SETBP1: variants seen among roughly 807,000 people sequenced by gnomAD.
The protein encoded by SETBP1 is SET-binding protein.
Under a neutral mutation model 101.0 loss-of-function variants are expected in SETBP1, and 9 were observed. The ratio of observed to expected loss-of-function variants is 0.09; its 90% CI spans 0.05 to 0.16. The LOEUF (loss-of-function observed/expected upper bound fraction) is 0.16. Ranked by LOEUF, SETBP1 falls within the 10% of genes least tolerant of loss-of-function variation. The pLI, the probability that SETBP1 is intolerant of heterozygous loss-of-function variation, is 1.00. For synonymous variants in SETBP1, 818 were observed against 788.5 expected (o/e 1.04, Z -0.63); for missense variants, 1,858 against 2,033.8 (o/e 0.91, Z 1.66).
At chr18:44,803,360 G>A (rs1334909284) in intron 2 of SETBP1, among the ~76,000 whole-genome samples, 3 of 152,138 alleles carry the variant, frequency 2.0e-5, no homozygotes, top group Non-Finnish European at 4.4e-5. Context: ...TGCAGCAGCT[G>A]CCCTAATGGA....
intron 2 of SETBP1, among the ~76,000 whole-genome samples, chr18:44,709,380 C>T (rs1328055682): frequency 6.6e-6 from 1 of 152,212 alleles, no homozygotes; most frequent in Non-Finnish European, 1.5e-5. Context: ...AGAGCCTCCA[C>T]TCTGGAAGTG....
intron 3 of SETBP1, among the ~76,000 whole-genome samples, chr18:44,896,997 C>A (rs1028230063): frequency 5.9e-5 from 9 of 152,252 alleles, no homozygotes; most frequent in African/African-American, 2.2e-4. Context: ...GAAATGTTTA[C>A]CCAGCTGTCG....
At chr18:44,810,378 A>C (rs2071835553) in intron 2 of SETBP1, among the ~76,000 whole-genome samples, 1 of 152,252 alleles carries the variant, frequency 6.6e-6, no homozygotes. Flanking sequence ...TTTAAGGAAC[A>C]CAATGAAAAG....
chr18:44,707,444 C>T (rs1234228452), intron 2 of SETBP1, among the ~76,000 whole-genome samples: 2 of 152,054 alleles, frequency 1.3e-5, no homozygotes, highest in Non-Finnish European at 2.9e-5. Flanking sequence ...TTAATTTTTC[C>T]TCCTCTCCAG....
At chr18:44,725,926 G>T (rs1234561014) in intron 2 of SETBP1, among the ~76,000 whole-genome samples, 1 of 152,092 alleles carries the variant, frequency 6.6e-6, no homozygotes, top group African/African-American at 2.4e-5. Flanking sequence ...AAGGGTGTAG[G>T]GTGGTAATAG....
intron 3 of SETBP1, among the ~76,000 whole-genome samples, chr18:44,944,964 T>C (rs754990433): frequency 1.8e-4 from 28 of 152,214 alleles, no homozygotes; most frequent in Non-Finnish European, 3.7e-4. Context: ...AAAAAGTGCT[T>C]TTTAAAAAGA....
chr18:44,879,199 A>C (rs1007203857), intron 3 of SETBP1, among the ~76,000 whole-genome samples: 2 of 152,170 alleles, frequency 1.3e-5, no homozygotes, highest in Admixed American at 1.3e-4. Flanking sequence ...AATCTCTCCC[A>C]CTTTGCTGTA....
intron 5 of SETBP1, among the ~76,000 whole-genome samples, chr18:45,046,971 G>T (rs2073625438): frequency 6.6e-6 from 1 of 152,178 alleles, no homozygotes; most frequent in Non-Finnish European, 1.5e-5. Context: ...GAGATTTTAG[G>T]AAATACAGAG....
At position 44,896,692 on chromosome 18, in the gene SETBP1, G is replaced by A. The variant is rs569658350; in HGVS notation, c.540+27409G>A. ...TTTAGTAGAGATGGGGTTTCACCAC[G>A]TTGGTCAGGATGATCTCGGCCTCCC... On this transcript the variant is annotated intron_variant, in intron 3 of 5. Transcript: ENST00000649279. Among the ~76,000 whole-genome samples the A allele has an allele frequency of 2.6e-5, 4 of 152,150 alleles. No homozygotes were observed. In the South Asian group the frequency reaches 6.2e-4, roughly 24 times the overall value.
At chr18:44,936,742 A>G (rs920239067) in intron 3 of SETBP1, among the ~76,000 whole-genome samples, 4 of 152,154 alleles carry the variant, frequency 2.6e-5, no homozygotes, top group African/African-American at 9.7e-5. Context: ...ACACGCAGAT[A>G]GACTCCATCT....
intron 4 of SETBP1, among the ~76,000 whole-genome samples, chr18:45,019,831 A>C (rs942583048): frequency 6.6e-6 from 1 of 152,118 alleles, no homozygotes; most frequent in East Asian, 1.9e-4. Context: ...TGCATAAAAA[A>C]CACCTCTCAT....
intron 3 of SETBP1, among the ~76,000 whole-genome samples, chr18:44,901,963 A>G (rs2070056905): frequency 6.6e-6 from 1 of 152,170 alleles, no homozygotes; most frequent in South Asian, 2.1e-4. Context: ...TTATTTTAGA[A>G]TCTAGTTATT....
chr18:44,701,599 G>T lies in SETBP1; in HGVS notation c.253G>T (p.Gly85Cys). ...CAGTGAGAAATGGGTGGCAGGAGAT[G>T]GTTTGGAAGAGCAGGAATTTTCTAT... ...ADSEKWVAGD[G>C]LEEQEFSIKE... Residue 85 changes from glycine to cysteine, a missense_variant, in exon 2 of 6, where the codon GGT becomes TGT. Around this residue, in one of 12 missense-constraint regions of SETBP1, gnomAD observed 28 missense variants for 59.2 expected, o/e 0.47. Transcript: ENST00000649279. 6 of 1,614,180 alleles carry T rather than the reference G, an allele frequency of 3.7e-6. No homozygotes were observed. Among genetic ancestry groups the T allele is most frequent in the Non-Finnish European group, 5.1e-6 (6 of 1,180,032 alleles).
chr18:45,067,784 G>A lies in SETBP1; in HGVS notation c.*4086G>A, dbSNP rs1568063257. ...TCCCTGTTGGACTCAGTCATTTGGGGAACAGTCTTAGAAGCACATATCAAC... is the reference window on the plus strand; with the variant it reads ...TCCCTGTTGGACTCAGTCATTTGGGAAACAGTCTTAGAAGCACATATCAAC... On this transcript the variant is annotated 3_prime_UTR_variant, in exon 6 of 6. Coordinates refer to ENST00000649279, the MANE Select transcript of SETBP1 (RefSeq NM_015559.3). 1 of 152,078 alleles carries A rather than the reference G, an allele frequency of 6.6e-6. No homozygotes were observed. Among genetic ancestry groups the A allele is most frequent in the Non-Finnish European group, 1.5e-5 (1 of 68,024 alleles). The allele number at this position is 152,078 out of a possible 1,614,324, so 9.4% of individuals were successfully genotyped here. A position where few individuals can be genotyped will look rare whatever the true frequency, so the allele number is the denominator to read the frequency against.
At chr18:44,701,941 TG>T in intron 2 of SETBP1, 109 bp downstream of exon 2, 1 of 1,312,678 alleles carries the variant, frequency 7.6e-7, no homozygotes, top group South Asian at 1.3e-5. Context: ...TAGAACAACG[TG>T]GGGTTGGGGA....
At chr18:44,732,804 C>T (rs1180868418) in intron 2 of SETBP1, 1 of 152,148 alleles carries the variant, frequency 6.6e-6, no homozygotes, top group Non-Finnish European at 1.5e-5. Context: ...CTGGCACCCA[C>T]CAGGTCCCTT....
rs564000476 is a variant in SETBP1 at position 44,877,457 on chromosome 18, T to A, written c.540+8174T>A. On this transcript the variant is annotated intron_variant, in intron 3 of 5. Transcript: ENST00000649279. ...TCTTCTACAAGCCTGTATGTGAATA[T>A]TTGTAATAGGAATAATGTTCACCCT... The A allele has an allele frequency of 1.5e-5, 12 of 825,260 alleles. No homozygotes were observed. In the South Asian group the frequency reaches 6.1e-4, roughly 42 times the overall value. 51.1% of individuals were successfully genotyped at this position (825,260 alleles called of 1,614,324 possible). A position where few individuals can be genotyped will look rare whatever the true frequency, so the allele number is the denominator to read the frequency against.
At chr18:44,916,121 G>A (rs192630883) in intron 3 of SETBP1, among the ~76,000 whole-genome samples, 13 of 152,246 alleles carry the variant, frequency 8.5e-5, no homozygotes, top group African/African-American at 3.1e-4. Context: ...AGCTACTCGG[G>A]AGGCTGAGGC....
chr18:44,684,946 C>T (rs2068812917), intron 1 of SETBP1, among the ~76,000 whole-genome samples: 1 of 152,148 alleles, frequency 6.6e-6, no homozygotes, highest in African/African-American at 2.4e-5. Flanking sequence ...CGCGCCCGAC[C>T]GAGGAACCAT....
Sources: gnomAD v4.1 joint callset for allele counts (sites outside exome capture counted in the v4.1 genomes callset) on GRCh38, gnomAD v4.1.1 for gene constraint, gnomAD v4.1.1 regional missense constraint, MANE v1.5 for transcripts, NCBI Gene and HGNC (gene_info 2026-07-23, HGNC 2026-07-21) for gene names.